Variants in NMT1 observed in about 807,000 individuals in gnomAD.
NMT1 encodes the protein N-myristoyltransferase 1.
NMT1 carries 12 observed loss-of-function variants against 63.4 expected under a neutral mutation model. The observed-to-expected ratio is 0.19, with a 90% CI of 0.12 to 0.31. The LOEUF (loss-of-function observed/expected upper bound fraction) is 0.31, where lower values mean the gene tolerates loss of function less well. Among genes scored for constraint, NMT1 ranks in the 10% least tolerant of loss-of-function variants. The pLI is 1.00. For synonymous variants in NMT1, 228 were observed against 234.3 expected, an observed-to-expected ratio of 0.97 and a Z score of 0.25; for missense variants, 432 against 634.6, an observed-to-expected ratio of 0.68 and a Z score of 3.43.
intron 4 of NMT1, among the ~76,000 whole-genome samples, chr17:45,094,518 ATT>A (rs1364597501): frequency 1.4e-5 from 2 of 140,456 alleles, no homozygotes; most frequent in African/African-American, 2.6e-5. Flanking sequence ...AGTCAACAGA[ATT>A]TTTTTTTTTT....
chr17:45,069,106 G>A (rs1261820736), intron 1 of NMT1, among the ~76,000 whole-genome samples: 1 of 151,126 alleles, frequency 6.6e-6, no homozygotes, highest in Non-Finnish European at 1.5e-5. Context: ...GATTACAGGT[G>A]CCTGCCACTG....
chr17:45,090,522 G>A (rs2054081113), intron 3 of NMT1, among the ~76,000 whole-genome samples: 1 of 152,170 alleles, frequency 6.6e-6, no homozygotes, highest in Non-Finnish European at 1.5e-5. Context: ...TCAAAGGGAG[G>A]ATGTGCACTC....
At chr17:45,090,906 A>G (rs2269744) in intron 3 of NMT1, among the ~76,000 whole-genome samples, 16,548 of 152,034 alleles carry the variant, frequency 0.11, 1,006 homozygotes, top group Middle Eastern at 0.18. Flanking sequence ...CTCAAAGGCC[A>G]TTGTAAGGGA....
In NMT1 at chr17:45,092,186, A is replaced by G. The variant is rs144096792; in HGVS notation, c.386-1499A>G. Among the ~76,000 whole-genome samples the G allele has an allele frequency of 3.0e-3, 449 of 152,150 alleles. 1 individual carries two copies. The highest frequency in any genetic ancestry group is 9.7e-3 in the African/African-American group (403 of 41,502). ...GTGGATAATGACTCATTTATTTACT[A>G]TTTCCCCAGAAGATGGTATGTCTCA... On this transcript the variant is annotated intron_variant, in intron 3 of 11. Coordinates refer to ENST00000258960, the MANE Select transcript of NMT1 (RefSeq NM_021079.5).
chr17:45,080,167 CT>C (rs11298210), intron 1 of NMT1, among the ~76,000 whole-genome samples: 22,905 of 145,430 alleles, frequency 0.16, 2,303 homozygotes, highest in East Asian at 0.28. Flanking sequence ...TTTTTTTTCC[CT>C]TTTTTTTTTG....
rs780175101 is a variant in NMT1 at position 45,104,818 on chromosome 17, C to T, written c.1333-41C>T. 8 of 1,611,652 alleles carry T rather than the reference C, an allele frequency of 5.0e-6. No homozygotes were observed. The South Asian group carries it at 7.7e-5, about 15-fold the overall frequency. On this transcript the variant is annotated intron_variant, in intron 10 of 11. Coordinates refer to ENST00000258960, the MANE Select transcript of NMT1 (RefSeq NM_021079.5). The surrounding 1 kb of genome is among the most constrained non-coding windows in gnomAD (Gnocchi z 4.2). ...AGGGGTAGGAAGGAGGCTGTCCCCA[C>T]CTGTCCTCACCTGTTCTTGTTTGTC... is the stretch of plus-strand genomic sequence containing the variant.
chr17:45,086,902 T>C (rs979604826), intron 3 of NMT1, among the ~76,000 whole-genome samples: 3 of 151,866 alleles, frequency 2.0e-5, no homozygotes, highest in African/African-American at 7.3e-5. Context: ...CTCACACCTA[T>C]AATCTCAGCA....
chr17:45,099,562 G>GAGCC, intron 8 of NMT1, 49 bp downstream of exon 8: 1 of 1,352,060 alleles, frequency 7.4e-7, no homozygotes, highest in South Asian at 1.2e-5. Flanking sequence ...AGGGCAAGGA[G>GAGCC]AGCCTGGCTG....
intron 1 of NMT1, among the ~76,000 whole-genome samples, chr17:45,079,615 A>G (rs552753925): frequency 1.3e-3 from 204 of 152,386 alleles, no homozygotes; most frequent in African/African-American, 4.8e-3. Context: ...TGTGTCATGT[A>G]GGGGAAAGCA....
rs1258804913 is a variant in NMT1 at position 45,102,962 on chromosome 17, A to T, written c.1005A>T (p.Thr335=). The T allele has an allele frequency of 6.2e-7, 1 of 1,611,792 alleles. No individual in the cohort carries two copies. The highest frequency in any genetic ancestry group is 8.5e-7 in the Non-Finnish European group (1 of 1,178,100). The part of the protein sequence containing the change: ...KLYRLPETPK[T]AGLRPMETKD... ...TGTCTTGCCTCCAGACTCCCAAGAC[A>T]GCTGGGCTGCGACCAATGGAAACAA... Residue 335 remains threonine (T), a synonymous_variant, in exon 9 of 12, where the codon ACA becomes ACT. Coordinates refer to ENST00000258960, the MANE Select transcript of NMT1 (RefSeq NM_021079.5).
chr17:45,087,296 A>G (rs2054061369), intron 3 of NMT1, among the ~76,000 whole-genome samples: 1 of 152,118 alleles, frequency 6.6e-6, no homozygotes, highest in African/African-American at 2.4e-5. Flanking sequence ...GTCTGGGCAC[A>G]TGTTTATTCC....
In NMT1 at chr17:45,097,154, C is replaced by T. The variant is rs779975972; in HGVS notation, c.623C>T (p.Pro208Leu). ...GCTCTCCGGCCACCCGGCTGGCTCC[C>T]CCAGTGGCACTGTGGGGTTCGAGTG... Reference protein sequence around the residue: ...LWALRPPGWLPQWHCGVRVVS... With the variant: ...LWALRPPGWLLQWHCGVRVVS... Residue 208 changes from proline to leucine, a missense_variant, in exon 6 of 12, where the codon CCC becomes CTC. Around this residue, in one of 4 missense-constraint regions of NMT1, gnomAD observed 295 missense variants for 489.7 expected, o/e 0.60. Coordinates refer to ENST00000258960, the MANE Select transcript of NMT1 (RefSeq NM_021079.5). 3.7e-6 allele frequency: 6 copies of T among 1,614,114 alleles called. No individual in the cohort carries two copies. In the East Asian group the frequency reaches 1.1e-4, roughly 30 times the overall value.
rs779600514 is a variant in NMT1, at chr17:45,099,447, G to A, written c.927G>A (p.Val309=). 3 of 1,614,084 alleles carry A rather than the reference G, an allele frequency of 1.9e-6. No individual in the cohort carries two copies. The African/African-American group carries it at 4.0e-5, about 22-fold the overall frequency. ...TAAACCCACGGAAGCTGATTGAAGT[G>A]AAGTTCTCCCACCTGAGCAGAAATA... ...RSLNPRKLIE[V]KFSHLSRNMT... Residue 309 remains valine, a synonymous_variant, in exon 8 of 12, where the codon GTG becomes GTA. Coordinates refer to ENST00000258960, the MANE Select transcript of NMT1 (RefSeq NM_021079.5).
chr17:45,103,184 G>T lies in NMT1; in HGVS notation c.1164+63G>T. ...TCCCAGAGAGGCACCCCCCTGAGTGGCCGGGTTCCCAGGGCTCGAGTGTTG... is the reference window on the plus strand; with the variant it reads ...TCCCAGAGAGGCACCCCCCTGAGTGTCCGGGTTCCCAGGGCTCGAGTGTTG... On this transcript the variant is annotated intron_variant, in intron 9 of 11. Coordinates refer to ENST00000258960, the MANE Select transcript of NMT1 (RefSeq NM_021079.5). The surrounding 1 kb of genome is among the most constrained non-coding windows in gnomAD (Gnocchi z 4.8). 6.6e-7 allele frequency: 1 copy of T among 1,522,508 alleles called. No individual in the cohort carries two copies. 94.3% of individuals were successfully genotyped at this position (1,522,508 alleles called of 1,614,324 possible). A position where few individuals can be genotyped will look rare whatever the true frequency, so the allele number is the denominator to read the frequency against.
Position 45,081,776 on chromosome 17 carries a change from G to A in NMT1, c.240+24G>A, listed in dbSNP as rs573160396. The A allele has an allele frequency of 6.6e-6, 10 of 1,515,596 alleles. No individual in the cohort carries two copies. In the South Asian group the frequency reaches 1.2e-4, roughly 19 times the overall value. 93.9% of individuals were successfully genotyped at this position (1,515,596 alleles called of 1,614,324 possible). A position where few individuals can be genotyped will look rare whatever the true frequency, so the allele number is the denominator to read the frequency against. On this transcript the variant is annotated intron_variant, in intron 2 of 11. Transcript: ENST00000258960. Reference sequence around the variant, plus strand: ...AGGTAACAAGGAGGTTCTGTTTTTTGTGACTCAGTCACTTTTTCACATGAG... The same window carrying A: ...AGGTAACAAGGAGGTTCTGTTTTTTATGACTCAGTCACTTTTTCACATGAG...
chr17:45,064,913 A>T (rs951814469), intron 1 of NMT1, among the ~76,000 whole-genome samples: 1 of 152,138 alleles, frequency 6.6e-6, no homozygotes, highest in East Asian at 1.9e-4. Flanking sequence ...GATTAATGAG[A>T]TAACATCTGG....
At chr17:45,090,211 G>C (rs1159226934) in intron 3 of NMT1, among the ~76,000 whole-genome samples, 1 of 152,130 alleles carries the variant, frequency 6.6e-6, no homozygotes, top group African/African-American at 2.4e-5. Flanking sequence ...TTGAGTCCTG[G>C]AGGTCGAGGC....
chr17:45,067,095 G>A (rs2053907909), intron 1 of NMT1, among the ~76,000 whole-genome samples: 1 of 151,870 alleles, frequency 6.6e-6, no homozygotes, highest in African/African-American at 2.4e-5. Context: ...ACAATTGAGA[G>A]GAGAGTCAGA....
intron 1 of NMT1, among the ~76,000 whole-genome samples, chr17:45,065,417 G>A (rs2053895753): frequency 6.6e-6 from 1 of 152,148 alleles, no homozygotes; most frequent in South Asian, 2.1e-4. Context: ...GAGGTCAGGA[G>A]ATCGAGACCA....
Sources: allele counts gnomAD v4.1 joint callset (sites outside exome capture counted in the v4.1 genomes callset), GRCh38; gene constraint gnomAD v4.1.1; regional missense constraint gnomAD v4.1.1; non-coding constraint Gnocchi (gnomAD v3.1); transcripts MANE v1.5; gene names NCBI Gene and HGNC (gene_info 2026-07-23, HGNC 2026-07-21).